Variants in GPR132 observed in about 807,000 individuals in gnomAD.
GPR132 encodes the protein probable G protein-coupled receptor 132.
A neutral mutation model predicts 1.9 loss-of-function variants in GPR132; 4 were observed. That is an observed-to-expected ratio of 2.13 (90% CI 1.05 to 4.87). The LOEUF (loss-of-function observed/expected upper bound fraction) is 4.87, where lower values mean the gene tolerates loss of function less well. Ranked by LOEUF, GPR132 falls within the 30% of genes most tolerant of loss-of-function variation. The pLI, the probability that GPR132 is intolerant of heterozygous loss-of-function variation, is 0.01. For missense variants in GPR132, 404 were observed against 512.5 expected (o/e 0.79, Z 2.04); for synonymous variants, 233 against 234.2 (o/e 0.99, Z 0.05).
At chr14:105,054,427 C>CA in intron 3 of GPR132, 1 of 862,662 alleles carries the variant, frequency 1.2e-6, no homozygotes, top group Non-Finnish European at 1.4e-6. Context: ...CTTTTTTTTT[C>CA]TTTTTTTTTT....
rs1052244580 is a variant in GPR132 at position 105,049,477 on chromosome 14, G to A, written c.*1517C>T. On this transcript the variant is annotated 3_prime_UTR_variant, in exon 4 of 4. Transcript: ENST00000329797. ...AAGATTTTGCCATGTTGCCGAGGCT[G>A]GTCTCAAACTCCTGACCTCAACTGA... The A allele has an allele frequency of 1.3e-5, 2 of 150,558 alleles. No homozygotes were observed. The highest frequency in any genetic ancestry group is 3.0e-5 in the Non-Finnish European group (2 of 67,554). The allele number at this position is 150,558 out of a possible 1,614,324, so 9.3% of individuals were successfully genotyped here. A position where few individuals can be genotyped will look rare whatever the true frequency, so the allele number is the denominator to read the frequency against.
In GPR132 at chr14:105,051,607, A is replaced by G. The variant is rs1301575773; in HGVS notation, c.530T>C (p.Val177Ala). The change falls in exon 4 of 4, where the codon GTG (valine) becomes GCG (alanine). Residue 177 changes from valine (V) to alanine (A), a missense_variant. Val to Ala is a moderately conservative substitution (Grantham distance 64). Transcript: ENST00000329797. This position sits in a 1 kb window ranked among gnomAD's most constrained non-coding sequence, Gnocchi z 8.0. ...GGTCTCCTTGTCTTCCGTCTGGAAC[A>G]CCGGGTAGTGAACGATCCCGACGAG... ...FILVGIVHYP[V>A]FQTEDKETCF... 1 of 1,613,890 alleles carries G rather than the reference A, an allele frequency of 6.2e-7. No homozygotes were observed. The highest frequency in any genetic ancestry group is 8.5e-7 in the Non-Finnish European group (1 of 1,180,042).
intron 3 of GPR132, chr14:105,053,984 T>G (rs1886718011): frequency 8.0e-7 from 1 of 1,244,934 alleles, no homozygotes; most frequent in South Asian, 1.3e-5. Context: ...GCCAGGGGGT[T>G]GCTAGAGGTC....
Position 105,059,643 on chromosome 14 carries a change from G to A in GPR132, c.-860-2363C>T, listed in dbSNP as rs918401164. Among the ~76,000 whole-genome samples, 6 of 151,976 alleles carry A rather than the reference G, an allele frequency of 3.9e-5. No individual in the cohort carries two copies. Among genetic ancestry groups the A allele is most frequent in the East Asian group, 3.9e-4 (2 of 5,156 alleles). On this transcript the variant is annotated intron_variant, in intron 1 of 3. Coordinates refer to ENST00000329797, the MANE Select transcript of GPR132 (RefSeq NM_013345.4). This position sits in a 1 kb window ranked among gnomAD's most constrained non-coding sequence, Gnocchi z 4.2. The stretch of plus-strand genomic sequence containing the variant: ...TCGAGTTGTCCCCACCTTTCTGGAC[G>A]GAACCAATGTACGTCTCACATATAT...
intron 1 of GPR132, among the ~76,000 whole-genome samples, chr14:105,064,463 A>C (rs2140938276): frequency 6.6e-6 from 1 of 151,882 alleles, no homozygotes; most frequent in African/African-American, 2.4e-5. Context: ...CCTCCCAAGT[A>C]GCTGGGATTA....
chr14:105,058,363 A>G (rs1886855709), intron 1 of GPR132, among the ~76,000 whole-genome samples: 1 of 152,234 alleles, frequency 6.6e-6, no homozygotes, highest in Non-Finnish European at 1.5e-5. Flanking sequence ...CCGTCTCAAG[A>G]AAAAAGAAAA....
intron 1 of GPR132, among the ~76,000 whole-genome samples, chr14:105,061,229 C>T (rs1268361352): frequency 6.6e-6 from 1 of 152,262 alleles, no homozygotes; most frequent in Non-Finnish European, 1.5e-5. Context: ...CAGGCTTGGG[C>T]GCCGGGGGAG....
intron 1 of GPR132, among the ~76,000 whole-genome samples, chr14:105,061,205 C>T (rs976147131): frequency 9.2e-5 from 14 of 152,268 alleles, no homozygotes; most frequent in Non-Finnish European, 1.9e-4. Context: ...AGCTCCTCAC[C>T]ACGCATGGCC....
chr14:105,064,256 G>A (rs1290606770), intron 1 of GPR132, among the ~76,000 whole-genome samples: 2 of 152,188 alleles, frequency 1.3e-5, no homozygotes, highest in South Asian at 2.1e-4. Flanking sequence ...CTGCCGTCAC[G>A]TTTGAGACAA....
chr14:105,057,570 G>A (rs1886831991), intron 1 of GPR132: 1 of 166,810 alleles, frequency 6.0e-6, no homozygotes, highest in South Asian at 1.4e-4. Flanking sequence ...GCCCAGGCTG[G>A]AGTGCAGTAG....
At chr14:105,061,936 T>C (rs7152401) in intron 1 of GPR132, among the ~76,000 whole-genome samples, 88,882 of 152,138 alleles carry the variant, frequency 0.58, 27,784 homozygotes, top group Non-Finnish European at 0.71. Context: ...GCCGGAGGCT[T>C]GGGTAGGGGA....
rs1886892103 is a variant in GPR132 at position 105,059,708 on chromosome 14, G to A, written c.-860-2428C>T. Among the ~76,000 whole-genome samples the A allele has an allele frequency of 6.6e-6, 1 of 152,090 alleles. No individual in the cohort carries two copies. The highest frequency in any genetic ancestry group is 1.5e-5 in the Non-Finnish European group (1 of 68,022). ...TGTCTCCCTAAAATGCATGAAACCA[G>A]GCTGCGCCCGACCACCCTGGGCACG... is the stretch of plus-strand genomic sequence containing the variant. On this transcript the variant is annotated intron_variant, in intron 1 of 3. Coordinates refer to ENST00000329797, the MANE Select transcript of GPR132 (RefSeq NM_013345.4). The surrounding 1 kb of genome is among the most constrained non-coding windows in gnomAD (Gnocchi z 4.2).
intron 1 of GPR132, among the ~76,000 whole-genome samples, chr14:105,061,019 G>C (rs1340756263): frequency 6.6e-6 from 1 of 152,280 alleles, no homozygotes; most frequent in Admixed American, 6.5e-5. Context: ...CCCATGCAGC[G>C]TGAGCTGCTG....
At chr14:105,054,080 C>A in intron 3 of GPR132, 1 of 1,288,646 alleles carries the variant, frequency 7.8e-7, no homozygotes. Context: ...TGGCTGAGTT[C>A]ATGCTTCTGG....
At chr14:105,061,339 G>A (rs1056866835) in intron 1 of GPR132, among the ~76,000 whole-genome samples, 10 of 152,228 alleles carry the variant, frequency 6.6e-5, no homozygotes, top group African/African-American at 1.4e-4. Context: ...GGCCTCTTCC[G>A]AGGGCCTTCC....
Position 105,051,879 on chromosome 14 carries a change from G to C in GPR132, c.258C>G (p.Leu86=). Residue 86 remains leucine (L), a synonymous_variant, in exon 4 of 4, where the codon CTC becomes CTG. Transcript: ENST00000329797. The surrounding 1 kb of genome is among the most constrained non-coding windows in gnomAD (Gnocchi z 8.0). ...GCGTGCCTGTGTACAGCAGCTCGCA[G>C]AGTGCCAGGCAGAGCAGGTAGACGG... is the stretch of plus-strand genomic sequence containing the variant. ...VLAVYLLCLA[L]CELLYTGTLP... 1 of 1,613,774 alleles carries C rather than the reference G, an allele frequency of 6.2e-7. No individual in the cohort carries two copies. Among genetic ancestry groups the C allele is most frequent in the East Asian group, 2.2e-5 (1 of 44,880 alleles).
rs567415458 is a variant in GPR132, at chr14:105,056,574, C to G, written c.-746-408G>C. ...CCTCCCCGACTTCCTACGGCTCCCC[C>G]ACCCCACACATCGTCGCCCGTGCGG... is the stretch of plus-strand genomic sequence containing the variant. On this transcript the variant is annotated intron_variant, in intron 2 of 3. Transcript: ENST00000329797. This position sits in a 1 kb window ranked among gnomAD's most constrained non-coding sequence, Gnocchi z 6.0. Among the ~76,000 whole-genome samples the G allele has an allele frequency of 2.0e-5, 3 of 152,342 alleles. No individual in the cohort carries two copies. The highest frequency in any genetic ancestry group is 4.4e-5 in the Non-Finnish European group (3 of 68,022).
At chr14:105,052,206 G>A (rs1414719750) in intron 3 of GPR132, 104 bp from the exon 4 acceptor site, 3 of 885,936 alleles carry the variant, frequency 3.4e-6, no homozygotes, top group East Asian at 5.0e-5. Flanking sequence ...GCTCAGACTA[G>A]ACACACGCAG....
At chr14:105,054,817 A>T (rs2140930108) in intron 3 of GPR132, among the ~76,000 whole-genome samples, 1 of 150,296 alleles carries the variant, frequency 6.7e-6, no homozygotes, top group South Asian at 2.1e-4. Flanking sequence ...GGGTGGGGAG[A>T]TCACTAGAGG....
Sources: gnomAD v4.1 joint callset for allele counts (sites outside exome capture counted in the v4.1 genomes callset) on GRCh38, gnomAD v4.1.1 for gene constraint, Gnocchi (gnomAD v3.1) non-coding constraint, MANE v1.5 for transcripts, NCBI Gene and HGNC (gene_info 2026-07-23, HGNC 2026-07-21) for gene names.